The following CAPRIN1 variants were observed in gnomAD, a reference collection of about 807,000 sequenced individuals.
The protein encoded by CAPRIN1 is cell cycle associated protein 1.
In CAPRIN1, 29 loss-of-function variants were observed where a neutral mutation model predicts 100.9. The ratio of observed to expected loss-of-function variants is 0.29; its 90% CI spans 0.21 to 0.39. The LOEUF is 0.39. Ranked by LOEUF, CAPRIN1 falls within the 10% of genes least tolerant of loss-of-function variation. The pLI, the probability that CAPRIN1 is intolerant of heterozygous loss-of-function variation, is 1.00. For synonymous variants in CAPRIN1, 338 were observed against 307.5 expected, an observed-to-expected ratio of 1.10 and a Z score of -1.04; for missense variants, 795 against 876.7, an observed-to-expected ratio of 0.91 and a Z score of 1.18.
intron 2 of CAPRIN1, among the ~76,000 whole-genome samples, chr11:34,065,386 A>G (rs747795539): frequency 1.6e-4 from 25 of 152,214 alleles, no homozygotes; most frequent in Non-Finnish European, 3.2e-4. Flanking sequence ...GTGTTTCTCA[A>G]ACTTAAGCAT....
chr11:34,079,901 C>T (rs7951527), intron 7 of CAPRIN1, 136 bp downstream of exon 7: 53,819 of 466,592 alleles, frequency 0.12, 4,472 homozygotes, highest in African/African-American at 0.17. Context: ...TTAAGCATGA[C>T]AAAGTTTTTT....
rs759179053 is a variant in CAPRIN1, at chr11:34,101,523, A to G, written c.*2156A>G. ...GTTTTGAACTTCTATGCATTAGTGCAGATGTTGTGAATGTGTAAAGGTGTT... is the reference window on the plus strand; with the variant it reads ...GTTTTGAACTTCTATGCATTAGTGCGGATGTTGTGAATGTGTAAAGGTGTT... On this transcript the variant is annotated 3_prime_UTR_variant, in exon 19 of 19. Transcript: ENST00000341394. Among the ~76,000 whole-genome samples, 5 of 152,242 alleles carry G rather than the reference A, an allele frequency of 3.3e-5. No individual in the cohort carries two copies. The highest frequency in any genetic ancestry group is 9.6e-5 in the African/African-American group (4 of 41,474).
At chr11:34,098,487 C>A (rs182563991) in intron 18 of CAPRIN1, 1 of 985,262 alleles carries the variant, frequency 1.0e-6, no homozygotes, top group East Asian at 1.1e-4. Flanking sequence ...AAATGGTTCT[C>A]TGATTTGAGG....
chr11:34,073,029 C>A (rs976640529), intron 4 of CAPRIN1, among the ~76,000 whole-genome samples: 5 of 152,210 alleles, frequency 3.3e-5, no homozygotes, highest in Non-Finnish European at 7.3e-5. Flanking sequence ...CGTGTAAGTA[C>A]ACTCCATGTT....
At chr11:34,093,195 T>A (rs565850571) in intron 15 of CAPRIN1, among the ~76,000 whole-genome samples, 85 of 28,280 alleles carry the variant, frequency 3.0e-3, no homozygotes, top group Non-Finnish European at 4.2e-3. Flanking sequence ...GATTTTTTTT[T>A]ATATATATAT....
intron 2 of CAPRIN1, among the ~76,000 whole-genome samples, chr11:34,059,270 G>GTT (rs776890676): frequency 1.2e-3 from 165 of 137,478 alleles, no homozygotes; most frequent in African/African-American, 4.0e-3. Context: ...TCTTGACATT[G>GTT]TTTTTTTTTT....
intron 6 of CAPRIN1, 34 bp downstream of exon 6, chr11:34,076,676 C>A: frequency 7.3e-7 from 1 of 1,376,334 alleles, no homozygotes; most frequent in Non-Finnish European, 1.0e-6. Context: ...GATTTTATAA[C>A]TAGGAATCTT....
At chr11:34,065,246 G>GC (rs1850666371) in intron 2 of CAPRIN1, among the ~76,000 whole-genome samples, 2 of 152,202 alleles carry the variant, frequency 1.3e-5, no homozygotes, top group Admixed American at 6.5e-5. Flanking sequence ...ACAGGCGTGA[G>GC]CCACTGCACC....
chr11:34,094,303 G>A (rs915901419), intron 15 of CAPRIN1, among the ~76,000 whole-genome samples: 2 of 150,220 alleles, frequency 1.3e-5, no homozygotes, highest in South Asian at 2.1e-4. Flanking sequence ...TGATCCACCC[G>A]CCTCGGCCTT....
intron 4 of CAPRIN1, among the ~76,000 whole-genome samples, chr11:34,074,915 A>G (rs1850877257): frequency 1.3e-5 from 2 of 151,076 alleles, no homozygotes; most frequent in Admixed American, 1.3e-4. Flanking sequence ...ATGGTGGCTC[A>G]TACCTGTAAT....
rs1470064589 is a variant in CAPRIN1 at position 34,092,158 on chromosome 11, C to G, written c.1705+102C>G. 17 of 1,173,840 alleles carry G rather than the reference C, an allele frequency of 1.4e-5. No individual in the cohort carries two copies. In the African/African-American group the frequency reaches 2.6e-4, roughly 18 times the overall value. The allele number at this position is 1,173,840 out of a possible 1,614,324, so 72.7% of individuals were successfully genotyped here. ...TCAGAGTGGTGGTGTCCAAGAGTTTCTGTTTTAGTAGCAGACCATATGAAT... is the reference window on the plus strand; with the variant it reads ...TCAGAGTGGTGGTGTCCAAGAGTTTGTGTTTTAGTAGCAGACCATATGAAT... On this transcript the variant is annotated intron_variant, in intron 15 of 18. Coordinates refer to ENST00000341394, the MANE Select transcript of CAPRIN1 (RefSeq NM_005898.5).
chr11:34,067,376 C>G (rs1291615463), intron 2 of CAPRIN1, among the ~76,000 whole-genome samples: 2 of 152,078 alleles, frequency 1.3e-5, no homozygotes, highest in African/African-American at 4.8e-5. Flanking sequence ...ACAGTAAACT[C>G]ATCAGTTCTT....
At chr11:34,064,972 T>G (rs987272024) in intron 2 of CAPRIN1, among the ~76,000 whole-genome samples, 2 of 145,870 alleles carry the variant, frequency 1.4e-5, no homozygotes, top group African/African-American at 5.1e-5. Flanking sequence ...TTTTTTTTTT[T>G]TTTTTGAGAT....
chr11:34,083,042 G>T lies in CAPRIN1; in HGVS notation c.966+1G>T. Reference sequence around the variant, plus strand: ...TGAGTGGACAGTTGAAACGGTTGAGGTAAGAGTTCTCTGTATTGCAAAGTT... The same window carrying T: ...TGAGTGGACAGTTGAAACGGTTGAGTTAAGAGTTCTCTGTATTGCAAAGTT... On this transcript the variant is annotated splice_donor_variant, in intron 9 of 18. Transcript: ENST00000341394. LOFTEE classifies it high-confidence loss of function. 2.5e-6 allele frequency: 4 copies of T among 1,607,058 alleles called. No individual in the cohort carries two copies. Among genetic ancestry groups the T allele is most frequent in the Non-Finnish European group, 3.4e-6 (4 of 1,173,642 alleles).
rs1851440455 is a variant in CAPRIN1, at chr11:34,100,648, T to C, written c.*1281T>C. 6.6e-6 allele frequency: 1 copy of C among 152,412 alleles called. No homozygotes were observed. The highest frequency in any genetic ancestry group is 1.5e-5 in the Non-Finnish European group (1 of 68,026). 9.4% of individuals were successfully genotyped at this position (152,412 alleles called of 1,614,324 possible). ...TATTATCTTTTGTCTAATTTAACCT[T>C]AACTGAATTCTCCGTTTCTCCTGGA... On this transcript the variant is annotated 3_prime_UTR_variant, in exon 19 of 19. Coordinates refer to ENST00000341394, the MANE Select transcript of CAPRIN1 (RefSeq NM_005898.5).
intron 4 of CAPRIN1, among the ~76,000 whole-genome samples, chr11:34,072,440 A>C (rs930922640): frequency 6.6e-6 from 1 of 152,254 alleles, no homozygotes; most frequent in Non-Finnish European, 1.5e-5. Flanking sequence ...CTGCAAATAC[A>C]TAAAAATCAG....
chr11:34,082,814 T>A lies in CAPRIN1; in HGVS notation c.827-11T>A, dbSNP rs76017848. ...AATCCTTTTGTTTTGCACCATTTTT[T>A]AACCTCTTAGAACCTGAGCCAGCAG... On this transcript the variant is annotated splice_polypyrimidine_tract_variant and intron_variant, in intron 7 of 18. Transcript: ENST00000341394. 1,723 of 1,611,704 alleles carry A rather than the reference T, an allele frequency of 1.1e-3. 26 individuals carry two copies. The African/African-American group carries it at 0.021, about 20-fold the overall frequency.
At chr11:34,059,687 A>G (rs536702648) in intron 2 of CAPRIN1, among the ~76,000 whole-genome samples, 13 of 152,302 alleles carry the variant, frequency 8.5e-5, no homozygotes, top group Non-Finnish European at 1.9e-4. Context: ...TGGCCAAATC[A>G]TTACATAGAA....
intron 4 of CAPRIN1, among the ~76,000 whole-genome samples, chr11:34,073,445 T>TA (rs1850841465): frequency 6.6e-6 from 1 of 152,202 alleles, no homozygotes; most frequent in African/African-American, 2.4e-5. Context: ...TTCAAGCACT[T>TA]AATCATTTTT....
Sources: allele counts gnomAD v4.1 joint callset (sites outside exome capture counted in the v4.1 genomes callset), GRCh38; gene constraint gnomAD v4.1.1; transcripts MANE v1.5; gene names NCBI Gene and HGNC (gene_info 2026-07-23, HGNC 2026-07-21).